TNK2: variants seen among roughly 807,000 people sequenced by gnomAD.
TNK2 encodes the protein tyrosine kinase non receptor 2, also known as activated CDC42 kinase 1.
In TNK2, 83 loss-of-function variants were observed where a neutral mutation model predicts 101.8. The observed-to-expected ratio is 0.82, with a 90% CI of 0.68 to 0.98. TNK2 has a LOEUF of 0.98. Among genes scored for constraint, TNK2 ranks in the 50% least tolerant of loss-of-function variants. TNK2 has a pLI of 0.00. For missense variants in TNK2, 1,665 were observed against 1,483.2 expected, an observed-to-expected ratio of 1.12 and a Z score of -2.01; for synonymous variants, 804 against 633.0, an observed-to-expected ratio of 1.27 and a Z score of -4.06.
At position 195,869,554 on chromosome 3, in the gene TNK2, C is replaced by A. The variant is rs1743433442; in HGVS notation, c.1544-13G>T. On this transcript the variant is annotated splice_polypyrimidine_tract_variant and intron_variant, in intron 11 of 15. Coordinates refer to ENST00000672887, the MANE Select transcript of TNK2 (RefSeq NM_001382273.1). The stretch of plus-strand genomic sequence containing the variant: ...GGTGGAGGCTCCCCTGCAAGAAAGG[C>A]CATGCGGACAGGGGGAGAGAGACGG... The A allele has an allele frequency of 6.4e-7, 1 of 1,551,216 alleles. No individual in the cohort carries two copies. Among genetic ancestry groups the A allele is most frequent in the Non-Finnish European group, 8.7e-7 (1 of 1,146,952 alleles).
chr3:195,870,073 G>C, intron 11 of TNK2, 41 bp downstream of exon 11: 8 of 1,406,006 alleles, frequency 5.7e-6, no homozygotes, highest in Non-Finnish European at 7.6e-6. Flanking sequence ...TTCCTGAGTA[G>C]CCGATGAGTT....
At chr3:195,866,571 A>C (rs1195128056) in intron 15 of TNK2, among the ~76,000 whole-genome samples, 2 of 152,340 alleles carry the variant, frequency 1.3e-5, no homozygotes. Flanking sequence ...AGGTGTGCAA[A>C]TCATGGGGTC....
At chr3:195,887,903 T>TGCACGTGCATGCGTGC (rs1560528477) in intron 2 of TNK2, among the ~76,000 whole-genome samples, 20 of 126,646 alleles carry the variant, frequency 1.6e-4, no homozygotes, top group African/African-American at 8.4e-4. Flanking sequence ...TGCATGCGTG[T>TGCACGTGCATGCGTGC]GTGCACGTGC....
At position 195,882,171 on chromosome 3, in the gene TNK2, C is replaced by A. The variant is rs867699975; in HGVS notation, c.767G>T (p.Arg256Leu). The change falls in exon 6 of 16, where the codon CGC becomes CTC. Residue 256 changes from arginine (R) to leucine (L), a missense_variant. Physicochemically the swap from Arg to Leu is moderately radical, Grantham distance 102. Transcript: ENST00000672887. The surrounding 1 kb of genome is among the most constrained non-coding windows in gnomAD (Gnocchi z 4.2). ...KRFIHRDLAA[R>L]NLLLATRDLV... ...GTCGCGGGTAGCCAACAGCAGATTGCGGGCAGCCAGGTCACGGTGAATAAA... is the reference window on the plus strand; with the variant it reads ...GTCGCGGGTAGCCAACAGCAGATTGAGGGCAGCCAGGTCACGGTGAATAAA... The A allele has an allele frequency of 6.2e-7, 1 of 1,613,806 alleles. No homozygotes were observed. The highest frequency in any genetic ancestry group is 1.3e-5 in the African/African-American group (1 of 74,944).
At position 195,865,021 on chromosome 3, in the gene TNK2, C is replaced by T. The variant is rs538905059; in HGVS notation, c.3162-834G>A. 8.2e-4 allele frequency among the ~76,000 whole-genome samples: 111 copies of T among 134,892 alleles called. 1 individual carries two copies. The highest frequency in any genetic ancestry group is 3.0e-3 in the African/African-American group (103 of 34,696). 88.5% of individuals were successfully genotyped at this position (134,892 alleles called of 152,430 possible). ...CAGGTGACAGCGAGTGCCTGCGTCC[C>T]GGGTGCAAATCAGTAAGAACCACCC... On this transcript the variant is annotated intron_variant, in intron 15 of 15. Transcript: ENST00000672887.
At chr3:195,897,000 C>T (rs1004987995) in intron 1 of TNK2, among the ~76,000 whole-genome samples, 1 of 152,212 alleles carries the variant, frequency 6.6e-6, no homozygotes. Flanking sequence ...TATGCCAACC[C>T]TACCTCCCAG....
chr3:195,884,733 C>T (rs1464460154), intron 4 of TNK2, 79 bp downstream of exon 4: 8 of 1,366,232 alleles, frequency 5.9e-6, no homozygotes, highest in South Asian at 1.3e-5. Context: ...CCCATCCACA[C>T]CCTGGTTGGG....
At chr3:195,902,334 A>G (rs1761282219) in intron 1 of TNK2, among the ~76,000 whole-genome samples, 1 of 152,160 alleles carries the variant, frequency 6.6e-6, no homozygotes, top group African/African-American at 2.4e-5. Context: ...AGAGACAGTA[A>G]GGGCCGGGCG....
chr3:195,895,775 G>A, intron 1 of TNK2: 1 of 251,738 alleles, frequency 4.0e-6, no homozygotes, highest in East Asian at 7.9e-5. Context: ...GCCCACAGCA[G>A]AGGGGCCTCC....
In TNK2 at chr3:195,884,927, AG is replaced by A; in HGVS notation, c.340del (p.Leu114CysfsTer40). 6.2e-7 allele frequency: 1 copy of A among 1,614,056 alleles called. No homozygotes were observed. Among genetic ancestry groups the A allele is most frequent in the African/African-American group, 1.3e-5 (1 of 75,062 alleles). Reference sequence around the variant, plus strand: ...CCCAATGAGGCAGGTGAGGCTCTGCAGGGGCCCCTCCCCTGCTGGGCCCCCA... The same window carrying A: ...CCCAATGAGGCAGGTGAGGCTCTGCAGGGCCCCTCCCCTGCTGGGCCCCCA... ...APGGPAGEGP[L>X]QSLTCLIGEK... On this transcript the variant is annotated frameshift_variant, in exon 4 of 16. Transcript: ENST00000672887. LOFTEE classifies it high-confidence loss of function.
At chr3:195,889,687 GGA>G (rs761351218) in intron 1 of TNK2, among the ~76,000 whole-genome samples, 4 of 151,994 alleles carry the variant, frequency 2.6e-5, no homozygotes, top group African/African-American at 4.8e-5. Flanking sequence ...CAGTGGTACC[GGA>G]GAGTGACCTC....
chr3:195,895,890 C>G (rs1401104007), intron 1 of TNK2: 2 of 154,596 alleles, frequency 1.3e-5, no homozygotes, highest in African/African-American at 4.8e-5. Flanking sequence ...ACGCCGGGCG[C>G]CCACCTGCCC....
chr3:195,902,646 T>TAAA (rs60167945), intron 1 of TNK2, among the ~76,000 whole-genome samples: 1 of 120,476 alleles, frequency 8.3e-6, no homozygotes, highest in Non-Finnish European at 1.8e-5. Context: ...AAAACAAACA[T>TAAA]AAAAAAAAAA....
rs759346611 is a variant in TNK2, at chr3:195,867,712, G to T, written c.2586C>A (p.Ile862=). The T allele has an allele frequency of 6.2e-7, 1 of 1,606,482 alleles. No individual in the cohort carries two copies. Among genetic ancestry groups the T allele is most frequent in the South Asian group, 1.1e-5 (1 of 90,402 alleles). The part of the protein sequence containing the change: ...GPRAGPCILP[I]VRDGKKVSST... ...TGCTGACCTTCTTGCCATCCCGGAC[G>T]ATGGGCAGGATGCAGGGACCAGCCC... The change falls in exon 13 of 16, where the codon ATC becomes ATA. Residue 862 remains isoleucine (I), a synonymous_variant. Transcript: ENST00000672887.
chr3:195,904,587 GA>G (rs1761544512), intron 1 of TNK2, among the ~76,000 whole-genome samples: 1 of 152,162 alleles, frequency 6.6e-6, no homozygotes, highest in Non-Finnish European at 1.5e-5. Flanking sequence ...CACAAGATGA[GA>G]AAAGTCCTGG....
chr3:195,876,776 A>C (rs1394482606), intron 9 of TNK2: 2 of 381,254 alleles, frequency 5.2e-6, no homozygotes, highest in African/African-American at 4.2e-5. Flanking sequence ...GCACACCCAC[A>C]ACCCTCCCAG....
intron 12 of TNK2, 49 bp from the exon 13 acceptor site, chr3:195,868,758 G>A (rs1007565957): frequency 5.3e-6 from 8 of 1,497,620 alleles, no homozygotes; most frequent in Non-Finnish European, 6.2e-6. Context: ...GGCAGGGTCT[G>A]GGACACGAGG....
rs559238539 is a variant in TNK2, at chr3:195,903,423, T to C, written c.-19+5062A>G. 1.4e-4 allele frequency among the ~76,000 whole-genome samples: 22 copies of C among 152,226 alleles called. No homozygotes were observed. The East Asian group carries it at 4.1e-3, about 28-fold the overall frequency. On this transcript the variant is annotated intron_variant, in intron 1 of 15. Transcript: ENST00000672887. ...AGGTATCTACCCTTCTATTCAACAT[T>C]ATATTAGATGAGGCTGGGCTTGGTG... is the stretch of plus-strand genomic sequence containing the variant.
At chr3:195,895,601 C>G in intron 1 of TNK2, 1 of 1,307,578 alleles carries the variant, frequency 7.6e-7, no homozygotes, top group Non-Finnish European at 9.7e-7. Context: ...GCCAGCTGTG[C>G]CAGCCCCGGG....
Sources: allele counts gnomAD v4.1 joint callset (sites outside exome capture counted in the v4.1 genomes callset), GRCh38; gene constraint gnomAD v4.1.1; non-coding constraint Gnocchi (gnomAD v3.1); transcripts MANE v1.5; gene names NCBI Gene and HGNC (gene_info 2026-07-23, HGNC 2026-07-21).